ARFGEF1: variants seen among roughly 807,000 people sequenced by gnomAD.
The protein encoded by ARFGEF1 is brefeldin A-inhibited guanine nucleotide-exchange protein 1.
Under a neutral mutation model 231.0 loss-of-function variants are expected in ARFGEF1, and 42 were observed. That is an observed-to-expected ratio of 0.18 (90% CI 0.14 to 0.24). The LOEUF is 0.24. ARFGEF1 is among the 10% of genes least tolerant of loss of function. The pLI is 1.00. For missense variants in ARFGEF1, 1,345 were observed against 2,192.0 expected, an observed-to-expected ratio of 0.61 and a Z score of 7.72; for synonymous variants, 710 against 732.3, an observed-to-expected ratio of 0.97 and a Z score of 0.49.
intron 22 of ARFGEF1, among the ~76,000 whole-genome samples, 159 bp downstream of exon 22, chr8:67,238,184 G>C (rs1203836577): frequency 6.6e-6 from 1 of 152,020 alleles, no homozygotes; most frequent in African/African-American, 2.4e-5. Flanking sequence ...AACCAGACCA[G>C]GCAAAAAAGA....
At chr8:67,311,604 G>C (rs1394392568) in intron 1 of ARFGEF1, among the ~76,000 whole-genome samples, 1 of 148,196 alleles carries the variant, frequency 6.7e-6, no homozygotes, top group Non-Finnish European at 1.5e-5. Flanking sequence ...CCTCGTCCGG[G>C]AGGGAGGTGG....
chr8:67,189,603 T>C (rs1399641192), intron 5 of ARFGEF1, among the ~76,000 whole-genome samples: 1 of 152,034 alleles, frequency 6.6e-6, no homozygotes, highest in South Asian at 2.1e-4. Context: ...AATGATAGTG[T>C]TGTATAAATG....
intron 7 of ARFGEF1, among the ~76,000 whole-genome samples, chr8:67,279,978 C>T (rs1805468365): frequency 6.6e-6 from 1 of 151,894 alleles, no homozygotes; most frequent in African/African-American, 2.4e-5. Context: ...TTTGACAAAT[C>T]CCACTGAAAT....
At position 67,259,475 on chromosome 8, in the gene ARFGEF1, G is replaced by A. The variant is rs1237444194; in HGVS notation, c.2235+340C>T. Reference sequence around the variant, plus strand: ...ACTCCTGACCTCAGGTGATCTACCCGCTTCAGCCTCCCAAAGCGCTGGAAT... The same window carrying A: ...ACTCCTGACCTCAGGTGATCTACCCACTTCAGCCTCCCAAAGCGCTGGAAT... On this transcript the variant is annotated intron_variant, in intron 15 of 38. Transcript: ENST00000262215. Among the ~76,000 whole-genome samples the A allele has an allele frequency of 2.6e-5, 4 of 152,098 alleles. No individual in the cohort carries two copies. In the East Asian group the frequency reaches 5.8e-4, roughly 22 times the overall value.
In ARFGEF1 at chr8:67,343,689, T is replaced by A. The variant is rs948816307; in HGVS notation, c.-402A>T. The A allele has an allele frequency of 5.7e-5, 47 of 828,024 alleles. No individual in the cohort carries two copies. Among genetic ancestry groups the A allele is most frequent in the Non-Finnish European group, 6.6e-5 (45 of 682,882 alleles). 51.3% of individuals were successfully genotyped at this position (828,024 alleles called of 1,614,324 possible). Reference sequence around the variant, plus strand: ...CTCAGAGGCACCGCGAGAGAAGGGCTACCCTGGCTACTGTGGGGATTAGCA... The same window carrying A: ...CTCAGAGGCACCGCGAGAGAAGGGCAACCCTGGCTACTGTGGGGATTAGCA... On this transcript the variant is annotated 5_prime_UTR_variant, in exon 1 of 39. Transcript: ENST00000262215.
At chr8:67,179,012 T>C (rs1314839057) in intron 5 of ARFGEF1, among the ~76,000 whole-genome samples, 1 of 152,206 alleles carries the variant, frequency 6.6e-6, no homozygotes, top group Non-Finnish European at 1.5e-5. Context: ...CACTTTCTGA[T>C]TAAAGAATGC....
intron 9 of ARFGEF1, among the ~76,000 whole-genome samples, chr8:67,272,255 C>G (rs564579375): frequency 6.6e-6 from 1 of 152,196 alleles, no homozygotes; most frequent in East Asian, 1.9e-4. Context: ...AAACCTCTGC[C>G]TCCCGGGTTC....
intron 8 of ARFGEF1, 21 bp from the exon 9 acceptor site, chr8:67,276,130 T>C (rs754931263): frequency 1.9e-6 from 3 of 1,611,494 alleles, no homozygotes; most frequent in South Asian, 2.2e-5. Context: ...TAACATACCA[T>C]GAAAATTTTA....
At chr8:67,222,182 C>T (rs7017384) in intron 29 of ARFGEF1, among the ~76,000 whole-genome samples, 2,812 of 117,490 alleles carry the variant, frequency 0.024, 92 homozygotes, top group African/African-American at 0.072. Context: ...TATATATACA[C>T]ATATATATAT....
At chr8:67,220,901 T>C (rs193104137) in intron 29 of ARFGEF1, among the ~76,000 whole-genome samples, 29 of 151,624 alleles carry the variant, frequency 1.9e-4, no homozygotes, top group Admixed American at 9.2e-4. Flanking sequence ...CCTTTTCTTT[T>C]TTTTTTTTTT....
chr8:67,306,902 T>C (rs1806772537), intron 1 of ARFGEF1, among the ~76,000 whole-genome samples: 1 of 152,166 alleles, frequency 6.6e-6, no homozygotes, highest in Non-Finnish European at 1.5e-5. Flanking sequence ...CTCAGCCTCC[T>C]GAGTAGCTGG....
chr8:67,329,233 C>CA (rs1383006544), intron 1 of ARFGEF1, among the ~76,000 whole-genome samples: 2 of 149,874 alleles, frequency 1.3e-5, no homozygotes, highest in East Asian at 4.0e-4. Flanking sequence ...AAAAACAAAA[C>CA]AAAAAAACAA....
intron 19 of ARFGEF1, among the ~76,000 whole-genome samples, chr8:67,241,365 T>C (rs1292815411): frequency 6.6e-6 from 1 of 152,174 alleles, no homozygotes; most frequent in African/African-American, 2.4e-5. Flanking sequence ...AACTACAAAG[T>C]ACCATATGAC....
At chr8:67,300,550 G>A (rs1474882377) in intron 3 of ARFGEF1, among the ~76,000 whole-genome samples, 7 of 151,662 alleles carry the variant, frequency 4.6e-5, no homozygotes, top group Non-Finnish European at 8.8e-5. Flanking sequence ...CAGGCACAGT[G>A]GCTCACGCCT....
rs1563914115 is a variant in ARFGEF1 at position 67,320,253 on chromosome 8, G to GTC, written c.125-17788_125-17787insGA. On this transcript the variant is annotated intron_variant, in intron 1 of 38. Transcript: ENST00000262215. Reference sequence around the variant, plus strand: ...AAAAAAAAAAAAAAAAAAAAAAAGTGCTCAACATAATTAGCCATTAAGAAA... The same window carrying GTC: ...AAAAAAAAAAAAAAAAAAAAAAAGTGTCCTCAACATAATTAGCCATTAAGAAA... Among the ~76,000 whole-genome samples the GTC allele has an allele frequency of 5.2e-4, 69 of 133,664 alleles. 1 individual carries two copies. Among genetic ancestry groups the GTC allele is most frequent in the African/African-American group, 1.5e-3 (54 of 35,318 alleles). The allele number at this position is 133,664 out of a possible 152,430, so 87.7% of individuals were successfully genotyped here.
chr8:67,184,093 TC>T (rs1563778247), intron 5 of ARFGEF1, among the ~76,000 whole-genome samples: 2 of 152,062 alleles, frequency 1.3e-5, no homozygotes, highest in Admixed American at 6.6e-5. Context: ...CCTCAGGTGA[TC>T]CCCCGGCCTT....
chr8:67,302,549 T>C (rs1806540411), intron 1 of ARFGEF1, 83 bp from the exon 2 acceptor site: 2 of 942,970 alleles, frequency 2.1e-6, no homozygotes, highest in East Asian at 2.7e-5. Flanking sequence ...ATAAACTCAT[T>C]TGGAACTTCT....
At chr8:67,310,219 T>C (rs1274974333) in intron 1 of ARFGEF1, among the ~76,000 whole-genome samples, 2 of 150,582 alleles carry the variant, frequency 1.3e-5, no homozygotes, top group Non-Finnish European at 3.0e-5. Flanking sequence ...CTGATTCTCC[T>C]GCCTCAGCCT....
intron 5 of ARFGEF1, chr8:67,177,599 A>C: frequency 1.1e-6 from 1 of 888,968 alleles, no homozygotes; most frequent in South Asian, 1.5e-5. Context: ...AGAGCTAGTC[A>C]AAAAAGATAT....
Sources: allele counts gnomAD v4.1 joint callset (sites outside exome capture counted in the v4.1 genomes callset), GRCh38; gene constraint gnomAD v4.1.1; transcripts MANE v1.5; gene names NCBI Gene and HGNC (gene_info 2026-07-23, HGNC 2026-07-21).